Variants in PTPRR observed in about 807,000 individuals in gnomAD.
PTPRR encodes protein tyrosine phosphatase receptor type R, also known as receptor-type tyrosine-protein phosphatase R.
In PTPRR, 38 loss-of-function variants were observed where a neutral mutation model predicts 77.2. That is an observed-to-expected ratio of 0.49 (90% CI 0.38 to 0.65). The LOEUF is 0.65. PTPRR is among the 30% of genes least tolerant of loss of function. The pLI is 0.00. For missense variants in PTPRR, 744 were observed against 799.2 expected (o/e 0.93, Z 0.83); for synonymous variants, 299 against 283.1 (o/e 1.06, Z -0.57).
chr12:70,912,862 A>C (rs1019195912), intron 1 of PTPRR, among the ~76,000 whole-genome samples: 40 of 152,106 alleles, frequency 2.6e-4, no homozygotes, highest in African/African-American at 9.4e-4. Context: ...TTATTTTTCG[A>C]AACTACTAAC....
intron 2 of PTPRR, among the ~76,000 whole-genome samples, chr12:70,812,588 G>A (rs1891828976): frequency 6.6e-6 from 1 of 152,144 alleles, no homozygotes; most frequent in African/African-American, 2.4e-5. Context: ...TCCCATCTGA[G>A]AAACTGCAAT....
At position 70,920,397 on chromosome 12, in the gene PTPRR, T is replaced by G; in HGVS notation, c.-7A>C. 5 of 1,612,804 alleles carry G rather than the reference T, an allele frequency of 3.1e-6. No individual in the cohort carries two copies. Among genetic ancestry groups the G allele is most frequent in the Non-Finnish European group, 4.2e-6 (5 of 1,179,524 alleles). On this transcript the variant is annotated 5_prime_UTR_variant, in exon 1 of 14. Coordinates refer to ENST00000283228, the MANE Select transcript of PTPRR (RefSeq NM_002849.4). ...AGCAGACTGCTCTCCGCATAGTGTT[T>G]GCATTGAGAGGTGGAGGAGAAACTC...
intron 1 of PTPRR, among the ~76,000 whole-genome samples, chr12:70,919,043 A>G (rs1893814711): frequency 1.3e-5 from 2 of 152,242 alleles, no homozygotes; most frequent in African/African-American, 4.8e-5. Flanking sequence ...TAATAGCTTT[A>G]ATAATCCTAT....
At chr12:70,767,359 G>A (rs1890852251) in intron 2 of PTPRR, among the ~76,000 whole-genome samples, 1 of 149,660 alleles carries the variant, frequency 6.7e-6, no homozygotes, top group Non-Finnish European at 1.5e-5. Flanking sequence ...TACAGGGGTT[G>A]CAATCCTAGT....
rs528308028 is a variant in PTPRR at position 70,744,442 on chromosome 12, A to G, written c.1007+1376T>C. Among the ~76,000 whole-genome samples, 378 of 152,332 alleles carry G rather than the reference A, an allele frequency of 2.5e-3. 1 individual carries two copies. Among genetic ancestry groups the G allele is most frequent in the African/African-American group, 8.3e-3 (344 of 41,572 alleles). On this transcript the variant is annotated intron_variant, in intron 6 of 13. Transcript: ENST00000283228. ...GGGAGGAGGTGGAAAGAATGACTTGATCAATCTCTGTTTTCTTCCTGTTGT... is the reference window on the plus strand; with the variant it reads ...GGGAGGAGGTGGAAAGAATGACTTGGTCAATCTCTGTTTTCTTCCTGTTGT...
intron 2 of PTPRR, among the ~76,000 whole-genome samples, chr12:70,871,528 G>A (rs943794801): frequency 6.6e-6 from 1 of 152,124 alleles, no homozygotes; most frequent in Non-Finnish European, 1.5e-5. Flanking sequence ...GGAATCTACA[G>A]TTTCCCTGGT....
intron 2 of PTPRR, among the ~76,000 whole-genome samples, chr12:70,832,911 G>A (rs116206064): frequency 0.023 from 3,478 of 152,212 alleles, 131 homozygotes; most frequent in African/African-American, 0.079. Context: ...AAGAGAGAGT[G>A]GAGGAGATGC....
chr12:70,755,019 A>T (rs1370344683), intron 4 of PTPRR, among the ~76,000 whole-genome samples: 3 of 152,190 alleles, frequency 2.0e-5, no homozygotes, highest in Admixed American at 1.3e-4. Flanking sequence ...AAGAGCAGAG[A>T]AGAAGCATGA....
intron 2 of PTPRR, among the ~76,000 whole-genome samples, chr12:70,875,093 A>C (rs922022977): frequency 5.3e-5 from 8 of 152,184 alleles, no homozygotes; most frequent in Non-Finnish European, 1.0e-4. Context: ...GAATGGTTGA[A>C]TAACTTATGG....
At chr12:70,761,994 A>G (rs1890702467) in intron 3 of PTPRR, among the ~76,000 whole-genome samples, 1 of 152,188 alleles carries the variant, frequency 6.6e-6, no homozygotes, top group African/African-American at 2.4e-5. Flanking sequence ...TTAAAGTCCA[A>G]AGTAATAGTA....
intron 10 of PTPRR, among the ~76,000 whole-genome samples, chr12:70,681,128 A>AG (rs1158552769): frequency 3.9e-5 from 6 of 152,120 alleles, no homozygotes; most frequent in Non-Finnish European, 5.9e-5. Flanking sequence ...GCTTGTTCCC[A>AG]GGGGGTAGGG....
At chr12:70,813,476 T>C (rs1217975622) in intron 2 of PTPRR, among the ~76,000 whole-genome samples, 2 of 152,246 alleles carry the variant, frequency 1.3e-5, no homozygotes, top group Non-Finnish European at 2.9e-5. Context: ...AACAATTTTC[T>C]AAATACCATG....
intron 2 of PTPRR, among the ~76,000 whole-genome samples, chr12:70,805,077 C>A (rs1011626416): frequency 1.3e-5 from 2 of 151,936 alleles, no homozygotes; most frequent in African/African-American, 4.8e-5. Flanking sequence ...CTTTTATTTT[C>A]TATGATGTTA....
chr12:70,863,074 G>A (rs1412034426), intron 2 of PTPRR, among the ~76,000 whole-genome samples: 1 of 152,124 alleles, frequency 6.6e-6, no homozygotes, highest in Non-Finnish European at 1.5e-5. Context: ...TTCTCTACTA[G>A]AGGTCTAACC....
At chr12:70,702,547 G>C (rs1194105455) in intron 6 of PTPRR, among the ~76,000 whole-genome samples, 7 of 152,124 alleles carry the variant, frequency 4.6e-5, no homozygotes, top group Admixed American at 3.3e-4. Flanking sequence ...ACAGTGGCTT[G>C]AGCTTAATTT....
intron 1 of PTPRR, among the ~76,000 whole-genome samples, chr12:70,910,566 CTT>C (rs1359370790): frequency 1.3e-5 from 2 of 152,124 alleles, no homozygotes; most frequent in Non-Finnish European, 2.9e-5. Flanking sequence ...GAGAGGAAGA[CTT>C]TTTATTATGT....
intron 5 of PTPRR, among the ~76,000 whole-genome samples, chr12:70,752,039 T>C (rs1890415994): frequency 6.6e-6 from 1 of 152,220 alleles, no homozygotes; most frequent in African/African-American, 2.4e-5. Flanking sequence ...TGATATTTTC[T>C]ATAGGCTTGA....
intron 13 of PTPRR, among the ~76,000 whole-genome samples, chr12:70,652,270 A>G (rs1254102492): frequency 1.3e-5 from 2 of 152,206 alleles, no homozygotes; most frequent in African/African-American, 4.8e-5. Context: ...TATGATAGGA[A>G]AAAGCTGAAG....
At chr12:70,747,583 A>G (rs1890254950) in intron 5 of PTPRR, among the ~76,000 whole-genome samples, 1 of 152,220 alleles carries the variant, frequency 6.6e-6, no homozygotes, top group Non-Finnish European at 1.5e-5. Context: ...GATTTATATT[A>G]GTGTAAAACA....
Sources: gnomAD v4.1 joint callset for allele counts (sites outside exome capture counted in the v4.1 genomes callset) on GRCh38, gnomAD v4.1.1 for gene constraint, MANE v1.5 for transcripts, NCBI Gene and HGNC (gene_info 2026-07-23, HGNC 2026-07-21) for gene names.